The following GRID1 variants were observed in gnomAD, a reference collection of about 807,000 sequenced individuals.
GRID1 encodes glutamate ionotropic receptor delta type subunit 1.
In GRID1, 28 loss-of-function variants were observed where a neutral mutation model predicts 98.0. That is an observed-to-expected ratio of 0.29 (90% confidence interval 0.21 to 0.39). The LOEUF is 0.39. Among genes scored for constraint, GRID1 ranks in the 10% least tolerant of loss-of-function variants. GRID1 has a pLI of 1.00. For synonymous variants in GRID1, 553 were observed against 538.5 expected (o/e 1.03, Z -0.37); for missense variants, 1,111 against 1,340.5 (o/e 0.83, Z 2.67).
chr10:85,895,768 T>A (rs920451017), intron 5 of GRID1, among the ~76,000 whole-genome samples: 3 of 152,156 alleles, frequency 2.0e-5, no homozygotes, highest in Non-Finnish European at 4.4e-5. Context: ...ATAGTCTTAA[T>A]GATATGAAAT....
intron 4 of GRID1, among the ~76,000 whole-genome samples, chr10:86,000,631 C>A (rs1842792246): frequency 6.6e-6 from 1 of 152,096 alleles, no homozygotes; most frequent in African/African-American, 2.4e-5. Context: ...CAAATATAGC[C>A]AATTGGTTTT....
chr10:85,876,286 T>C (rs551713040), intron 5 of GRID1, among the ~76,000 whole-genome samples: 7 of 152,036 alleles, frequency 4.6e-5, no homozygotes, highest in Non-Finnish European at 4.4e-5. Flanking sequence ...GGGGGAGACA[T>C]GTTTCTCACT....
chr10:85,723,073 T>C lies in GRID1; in HGVS notation c.1927A>G (p.Ile643Val), dbSNP rs907824386. The C allele has an allele frequency of 4.3e-6, 7 of 1,612,438 alleles. No homozygotes were observed. In the African/African-American group the frequency reaches 5.3e-5, roughly 12 times the overall value. ...TTGGCTGTGTAGGAGGAGCACACAA[T>C]GAGCGTGAAGAGCCACCAGCTGCCC... ...VMGSWWLFTLIVCSSYTANLA... is the reference protein window; with the variant it reads ...VMGSWWLFTLVVCSSYTANLA... Residue 643 changes from isoleucine (I) to valine (V), a missense_variant, in exon 12 of 16, where the codon ATT becomes GTT. By Grantham distance (29) the Ile-to-Val change is conservative. Coordinates refer to ENST00000327946, the MANE Select transcript of GRID1 (RefSeq NM_017551.3).
At chr10:86,089,374 A>G (rs996749662) in intron 4 of GRID1, among the ~76,000 whole-genome samples, 2 of 147,238 alleles carry the variant, frequency 1.4e-5, no homozygotes, top group African/African-American at 2.7e-5. Flanking sequence ...GAGAACCTGG[A>G]CTTCATTTGG....
intron 2 of GRID1, among the ~76,000 whole-genome samples, chr10:86,273,740 G>A (rs1162793365): frequency 0.015 from 2,230 of 151,920 alleles, 35 homozygotes; most frequent in African/African-American, 0.043. Context: ...CATATCCTTC[G>A]CCCACTTTTT....
At chr10:86,273,987 C>T (rs1277063723) in intron 2 of GRID1, among the ~76,000 whole-genome samples, 77 of 152,190 alleles carry the variant, frequency 5.1e-4, no homozygotes, top group African/African-American at 1.8e-3. Context: ...AGTCCTTGCC[C>T]ATGCCTATGT....
chr10:85,677,196 C>T (rs1041069653), intron 12 of GRID1, among the ~76,000 whole-genome samples: 1 of 152,210 alleles, frequency 6.6e-6, no homozygotes, highest in Non-Finnish European at 1.5e-5. Flanking sequence ...AAGGGCCAAA[C>T]TATTCAACAG....
chr10:85,824,876 AT>A (rs1402392923), intron 8 of GRID1, among the ~76,000 whole-genome samples: 2 of 152,214 alleles, frequency 1.3e-5, no homozygotes, highest in East Asian at 3.8e-4. Context: ...AAAAGACATT[AT>A]TTTATTCTCT....
At chr10:85,633,293 T>C (rs776102756) in intron 13 of GRID1, among the ~76,000 whole-genome samples, 5 of 152,328 alleles carry the variant, frequency 3.3e-5, no homozygotes, top group Non-Finnish European at 7.3e-5. Flanking sequence ...ATTCTTATTA[T>C]TCAGGAGCCC....
At chr10:85,947,525 C>T (rs1842068414) in intron 4 of GRID1, among the ~76,000 whole-genome samples, 1 of 152,192 alleles carries the variant, frequency 6.6e-6, no homozygotes, top group Non-Finnish European at 1.5e-5. Flanking sequence ...AAGACCCAGT[C>T]ATTGTCCCAG....
chr10:85,862,923 T>C (rs1334633229), intron 6 of GRID1, among the ~76,000 whole-genome samples: 1 of 151,948 alleles, frequency 6.6e-6, no homozygotes. Flanking sequence ...GAGGAGATAA[T>C]GGAGCACTGG....
chr10:85,739,706 CAAAG>C (rs1362456061), intron 8 of GRID1, among the ~76,000 whole-genome samples: 1 of 152,124 alleles, frequency 6.6e-6, no homozygotes, highest in Non-Finnish European at 1.5e-5. Context: ...TTATCGATCT[CAAAG>C]AACTAGATGC....
chr10:85,833,232 T>G (rs1356389971), intron 8 of GRID1, among the ~76,000 whole-genome samples: 2 of 152,172 alleles, frequency 1.3e-5, no homozygotes, highest in Non-Finnish European at 2.9e-5. Flanking sequence ...CTCCTTTCCC[T>G]AGAGGCAGGA....
chr10:86,264,944 C>T (rs1403621764), intron 2 of GRID1, among the ~76,000 whole-genome samples: 1 of 152,232 alleles, frequency 6.6e-6, no homozygotes, highest in Non-Finnish European at 1.5e-5. Context: ...CTGAACATAG[C>T]TATCTGCCAT....
intron 4 of GRID1, among the ~76,000 whole-genome samples, chr10:86,131,972 A>T (rs1350277552): frequency 1.3e-5 from 2 of 152,140 alleles, no homozygotes; most frequent in Admixed American, 6.5e-5. Flanking sequence ...GCATTCCCAG[A>T]TCACACAAGG....
At chr10:85,795,027 G>GA (rs1397549358) in intron 8 of GRID1, among the ~76,000 whole-genome samples, 1 of 152,076 alleles carries the variant, frequency 6.6e-6, no homozygotes, top group Non-Finnish European at 1.5e-5. Flanking sequence ...TGAAAATATA[G>GA]AAAAAAGATG....
At chr10:85,875,850 T>G (rs185256717) in intron 5 of GRID1, among the ~76,000 whole-genome samples, 2 of 152,350 alleles carry the variant, frequency 1.3e-5, no homozygotes, top group East Asian at 3.9e-4. Context: ...TATTTATCTA[T>G]GTAACCAATA....
intron 4 of GRID1, among the ~76,000 whole-genome samples, chr10:85,918,657 C>T (rs1841655076): frequency 6.6e-6 from 1 of 152,186 alleles, no homozygotes; most frequent in Non-Finnish European, 1.5e-5. Flanking sequence ...CTCTATGCAT[C>T]CTCTGAGTGT....
intron 4 of GRID1, among the ~76,000 whole-genome samples, chr10:86,010,569 A>C (rs577060853): frequency 6.6e-6 from 1 of 152,284 alleles, no homozygotes; most frequent in African/African-American, 2.4e-5. Context: ...CTATAATCCT[A>C]GCACTTTGGG....
Sources: gnomAD v4.1 joint callset for allele counts (sites outside exome capture counted in the v4.1 genomes callset) on GRCh38, gnomAD v4.1.1 for gene constraint, MANE v1.5 for transcripts, NCBI Gene and HGNC (gene_info 2026-07-23, HGNC 2026-07-21) for gene names.